FBN1: variants seen among roughly 807,000 people sequenced by gnomAD.
FBN1 encodes the protein fibrillin-1.
Under a neutral mutation model 365.1 loss-of-function variants are expected in FBN1, and 29 were observed. The observed-to-expected ratio is 0.08, with a 90% confidence interval of 0.06 to 0.11. The LOEUF is 0.11. Among genes scored for constraint, FBN1 ranks in the 10% least tolerant of loss-of-function variants. FBN1 has a pLI of 1.00. For synonymous variants in FBN1, 1,210 were observed against 1,270.5 expected, an observed-to-expected ratio of 0.95 and a Z score of 1.01; for missense variants, 2,476 against 3,703.2, an observed-to-expected ratio of 0.67 and a Z score of 8.60.
At chr15:48,623,468 A>G (rs1310536561) in intron 2 of FBN1, among the ~76,000 whole-genome samples, 1 of 152,262 alleles carries the variant, frequency 6.6e-6, no homozygotes. Flanking sequence ...TTGAGAAAAT[A>G]CAAAATCAAT....
At position 48,444,843 on chromosome 15, in the gene FBN1, T is replaced by C. The variant is rs56240014; in HGVS notation, c.5918-183A>G. On this transcript the variant is annotated intron_variant, in intron 48 of 65. Coordinates refer to ENST00000316623, the MANE Select transcript of FBN1 (RefSeq NM_000138.5). ...TAAGCTTTATCAGCTTTCAAAAATG[T>C]ATAGCATAACAACCATATTTTATTT... 0.022 allele frequency among the ~76,000 whole-genome samples: 3,319 copies of C among 152,160 alleles called. 69 individuals are homozygous for C. Among genetic ancestry groups the C allele is most frequent in the East Asian group, 0.083 (429 of 5,174 alleles).
intron 6 of FBN1, among the ~76,000 whole-genome samples, chr15:48,578,027 G>A (rs1013847387): frequency 1.3e-5 from 2 of 151,792 alleles, no homozygotes; most frequent in Non-Finnish European, 1.5e-5. Flanking sequence ...ACCAACCATC[G>A]TTTACATGCA....
chr15:48,489,205 T>C (rs996368743), intron 25 of FBN1, among the ~76,000 whole-genome samples: 3 of 136,022 alleles, frequency 2.2e-5, no homozygotes, highest in African/African-American at 8.3e-5. Context: ...TAGATATTTT[T>C]TTTTTTTTTT....
intron 42 of FBN1, 94 bp downstream of exon 42, chr15:48,462,988 C>A: frequency 7.9e-7 from 1 of 1,258,264 alleles, no homozygotes; most frequent in Non-Finnish European, 1.2e-6. Context: ...ATAAACAATG[C>A]ACACTTTGCT....
At chr15:48,552,778 G>A (rs1484719959) in intron 6 of FBN1, among the ~76,000 whole-genome samples, 2 of 152,154 alleles carry the variant, frequency 1.3e-5, no homozygotes, top group African/African-American at 2.4e-5. Context: ...CCAAGCATAA[G>A]ATACTACATT....
intron 6 of FBN1, among the ~76,000 whole-genome samples, chr15:48,584,267 A>G (rs1043237113): frequency 6.6e-6 from 1 of 152,188 alleles, no homozygotes; most frequent in African/African-American, 2.4e-5. Context: ...TGCCTGAGAG[A>G]CATGCAGTAA....
intron 64 of FBN1, among the ~76,000 whole-genome samples, chr15:48,413,993 G>A (rs115085726): frequency 6.6e-6 from 1 of 152,296 alleles, no homozygotes; most frequent in African/African-American, 2.4e-5. Flanking sequence ...GTGGGTGTGT[G>A]CGCATGCGTA....
intron 9 of FBN1, among the ~76,000 whole-genome samples, chr15:48,524,765 T>G (rs1333448379): frequency 6.6e-6 from 1 of 152,208 alleles, no homozygotes; most frequent in Non-Finnish European, 1.5e-5. Context: ...CAATCTCAGC[T>G]GCTTCCCATC....
In FBN1 at chr15:48,623,135, T is replaced by C. The variant is rs138770964; in HGVS notation, c.165-10043A>G. 1.8e-4 allele frequency among the ~76,000 whole-genome samples: 28 copies of C among 152,348 alleles called. No homozygotes were observed. In the East Asian group the frequency reaches 5.0e-3, roughly 27 times the overall value. On this transcript the variant is annotated intron_variant, in intron 2 of 65. Transcript: ENST00000316623. ...TGCCTAGACTATCCTGGAGTCTATT[T>C]AGAAGCACACAAGATAATATTGACT...
intron 2 of FBN1, among the ~76,000 whole-genome samples, chr15:48,633,497 C>T (rs745770101): frequency 1.7e-4 from 26 of 152,190 alleles, no homozygotes; most frequent in Non-Finnish European, 3.2e-4. Flanking sequence ...TTCCGATTCC[C>T]GGAGAAGACT....
chr15:48,469,604 T>G (rs2043354321), intron 36 of FBN1, among the ~76,000 whole-genome samples: 1 of 152,132 alleles, frequency 6.6e-6, no homozygotes, highest in African/African-American at 2.4e-5. Context: ...ACCTTTGCCT[T>G]GGTCCTCCCC....
At chr15:48,585,027 A>G (rs912103959) in intron 6 of FBN1, among the ~76,000 whole-genome samples, 1 of 152,244 alleles carries the variant, frequency 6.6e-6, no homozygotes, top group Non-Finnish European at 1.5e-5. Flanking sequence ...ATATCATTGG[A>G]ATCCCTAACA....
intron 6 of FBN1, among the ~76,000 whole-genome samples, chr15:48,539,639 A>G (rs2044041581): frequency 6.6e-6 from 1 of 152,166 alleles, no homozygotes; most frequent in South Asian, 2.1e-4. Flanking sequence ...GGTGATATGC[A>G]AACAGGTCAA....
intron 24 of FBN1, among the ~76,000 whole-genome samples, chr15:48,491,036 A>G (rs557806445): frequency 1.2e-4 from 18 of 152,348 alleles, no homozygotes; most frequent in African/African-American, 4.3e-4. Context: ...TCAGCTTTAT[A>G]TTCAGACTGC....
At chr15:48,606,636 G>A (rs1184515940) in intron 4 of FBN1, among the ~76,000 whole-genome samples, 3 of 152,206 alleles carry the variant, frequency 2.0e-5, no homozygotes, top group Non-Finnish European at 4.4e-5. Flanking sequence ...CGCTCTTTGT[G>A]GTGATGGAAA....
intron 2 of FBN1, among the ~76,000 whole-genome samples, chr15:48,633,968 T>C (rs931336196): frequency 6.6e-6 from 1 of 152,200 alleles, no homozygotes; most frequent in Non-Finnish European, 1.5e-5. Context: ...TATTTATACA[T>C]TTCTAAAATC....
At position 48,453,013 on chromosome 15, in the gene FBN1, TTGGGAA is replaced by T. The variant is rs572094932; in HGVS notation, c.5423-335_5423-330del. ...TGCTCACACCTGTAATCCTAGCACT[TTGGGAA>T]GCTAAGGCGGGCGGATCACCTGAGG... is the stretch of plus-strand genomic sequence containing the variant. On this transcript the variant is annotated intron_variant, in intron 44 of 65. Coordinates refer to ENST00000316623, the MANE Select transcript of FBN1 (RefSeq NM_000138.5). Among the ~76,000 whole-genome samples the T allele has an allele frequency of 5.9e-5, 9 of 152,014 alleles. No homozygotes were observed. In the East Asian group the frequency reaches 1.7e-3, roughly 29 times the overall value.
chr15:48,468,479 A>T lies in FBN1; in HGVS notation c.4515T>A (p.Thr1505=). Residue 1505 remains threonine, a synonymous_variant, in exon 37 of 66, where the codon ACT becomes ACA. Transcript: ENST00000316623. ...GGCAGTCACAGATATAGCTGCCTGG[A>T]GTGTTGACACAGTTCCCACTGATGC... The part of the protein sequence containing the change: ...TTCISGNCVN[T]PGSYICDCPP... 6.2e-7 allele frequency: 1 copy of T among 1,614,092 alleles called. No individual in the cohort carries two copies. Among genetic ancestry groups the T allele is most frequent in the Non-Finnish European group, 8.5e-7 (1 of 1,179,990 alleles).
rs765599101 is a variant in FBN1, at chr15:48,444,624, G to A, written c.5954C>T (p.Ala1985Val). ...ATCCAAGTTTTGACAGGTACCTGGT[G>A]CACATTTTCTGGGTTCTAGAAGACA... ...NECLLEPRKCAPGTCQNLDGS... is the reference protein window; with the variant it reads ...NECLLEPRKCVPGTCQNLDGS... Residue 1985 changes from alanine (A) to valine (V), a missense_variant, in exon 49 of 66, where the codon GCA (alanine) becomes GTA (valine). Ala to Val is a moderately conservative substitution (Grantham distance 64, BLOSUM62 0). Coordinates refer to ENST00000316623, the MANE Select transcript of FBN1 (RefSeq NM_000138.5). The A allele has an allele frequency of 1.9e-6, 3 of 1,613,420 alleles. No homozygotes were observed. The African/African-American group carries it at 4.0e-5, about 22-fold the overall frequency.
Sources: gnomAD v4.1 joint callset for allele counts (sites outside exome capture counted in the v4.1 genomes callset) on GRCh38, gnomAD v4.1.1 for gene constraint, MANE v1.5 for transcripts, NCBI Gene and HGNC (gene_info 2026-07-23, HGNC 2026-07-21) for gene names.